Variants in ZBTB24 observed in about 807,000 individuals in gnomAD.
The protein encoded by ZBTB24 is zinc finger and BTB domain containing 24, also known as zinc finger and BTB domain-containing protein 24.
A neutral mutation model predicts 53.8 loss-of-function variants in ZBTB24; 32 were observed. That is an observed-to-expected ratio of 0.60 (90% CI 0.45 to 0.80). ZBTB24 has a LOEUF of 0.80. ZBTB24 is among the 30% of genes least tolerant of loss of function. The pLI, the probability that ZBTB24 is intolerant of heterozygous loss-of-function variation, is 0.00. For synonymous variants in ZBTB24, 297 were observed against 306.7 expected, an observed-to-expected ratio of 0.97 and a Z score of 0.33; for missense variants, 722 against 837.1, an observed-to-expected ratio of 0.86 and a Z score of 1.70.
At chr6:109,474,644 G>C (rs1475989740) in intron 5 of ZBTB24, among the ~76,000 whole-genome samples, 1 of 151,442 alleles carries the variant, frequency 6.6e-6, no homozygotes, top group African/African-American at 2.4e-5. Flanking sequence ...TGAGGCAGGA[G>C]AATCACTTGA....
chr6:109,477,526 G>A (rs1048415314), intron 2 of ZBTB24, among the ~76,000 whole-genome samples: 8 of 152,138 alleles, frequency 5.3e-5, no homozygotes, highest in African/African-American at 1.9e-4. Context: ...TGGAAACAGG[G>A]GTGAGGGAGG....
intron 2 of ZBTB24, chr6:109,480,831 C>T (rs1776389113): frequency 1.5e-6 from 1 of 649,026 alleles, no homozygotes; most frequent in African/African-American, 2.0e-5. Context: ...GTTGCTTCAT[C>T]TGTAAACTAT....
chr6:109,466,150 G>A lies in ZBTB24; in HGVS notation c.1795C>T (p.Pro599Ser). ...AANLTLLTQQ[P>S]EQLQNLILSA... Reference sequence around the variant, plus strand: ...AGAATTAAATTCTGCAGTTGCTCTGGCTGCTGCGTGAGCAGGGTAAGATTA... The same window carrying A: ...AGAATTAAATTCTGCAGTTGCTCTGACTGCTGCGTGAGCAGGGTAAGATTA... The change falls in exon 7 of 7, where the codon CCA (proline) becomes TCA (serine). Residue 599 changes from proline (P) to serine (S), a missense_variant. Coordinates refer to ENST00000230122, the MANE Select transcript of ZBTB24 (RefSeq NM_014797.3). 6.2e-7 allele frequency: 1 copy of A among 1,614,234 alleles called. No homozygotes were observed. The highest frequency in any genetic ancestry group is 8.5e-7 in the Non-Finnish European group (1 of 1,180,042).
chr6:109,467,246 G>C (rs1462918936), intron 6 of ZBTB24, among the ~76,000 whole-genome samples: 1 of 152,156 alleles, frequency 6.6e-6, no homozygotes, highest in Non-Finnish European at 1.5e-5. Context: ...AAATAGGCCA[G>C]GTGTGGTGGC....
At chr6:109,478,658 G>A (rs746594135) in intron 2 of ZBTB24, among the ~76,000 whole-genome samples, 2 of 152,002 alleles carry the variant, frequency 1.3e-5, no homozygotes, top group Non-Finnish European at 2.9e-5. Flanking sequence ...CGGAGATCAC[G>A]CCATTGCACT....
intron 6 of ZBTB24, 47 bp from the exon 7 acceptor site, chr6:109,466,621 A>G (rs1776049457): frequency 6.3e-7 from 1 of 1,597,274 alleles, no homozygotes; most frequent in African/African-American, 1.3e-5. Context: ...ATACCTACTT[A>G]CTACTTCCTG....
In ZBTB24 at chr6:109,476,157, G is replaced by A. The variant is rs372392853; in HGVS notation, c.1204+18C>T. 4 of 1,612,440 alleles carry A rather than the reference G, an allele frequency of 2.5e-6. No homozygotes were observed. The African/African-American group carries it at 5.3e-5, about 22-fold the overall frequency. On this transcript the variant is annotated intron_variant, in intron 4 of 6. Transcript: ENST00000230122. ...GCATTTCTTCCCCCCCAATCTAAATGTTCTCACTTTATCGTACCTGTATGA... is the reference window on the plus strand; with the variant it reads ...GCATTTCTTCCCCCCCAATCTAAATATTCTCACTTTATCGTACCTGTATGA...
intron 5 of ZBTB24, among the ~76,000 whole-genome samples, chr6:109,471,141 G>A (rs1189279125): frequency 6.6e-6 from 1 of 152,236 alleles, no homozygotes; most frequent in Non-Finnish European, 1.5e-5. Context: ...AAATAAAGAT[G>A]TGCATTTCCT....
rs183702176 is a variant in ZBTB24 at position 109,470,080 on chromosome 6, G to A, written c.1289-2346C>T. ...AGGACCTCTAACAGGCTATGCACAA[G>A]GCCTGGACCAGGAGGTGGCAGGAGG... On this transcript the variant is annotated intron_variant, in intron 5 of 6. Coordinates refer to ENST00000230122, the MANE Select transcript of ZBTB24 (RefSeq NM_014797.3). 1.1e-3 allele frequency among the ~76,000 whole-genome samples: 173 copies of A among 152,324 alleles called. 1 individual carries two copies. The highest frequency in any genetic ancestry group is 3.9e-3 in the African/African-American group (163 of 41,584).
intron 2 of ZBTB24, among the ~76,000 whole-genome samples, chr6:109,480,674 T>C (rs865780669): frequency 7.2e-5 from 11 of 152,178 alleles, no homozygotes; most frequent in Admixed American, 3.3e-4. Flanking sequence ...GCAGGGTACA[T>C]TGGGCTAGAT....
chr6:109,481,983 T>C lies in ZBTB24; in HGVS notation c.44A>G (p.His15Arg). The change falls in exon 2 of 7, where the codon CAC (histidine) becomes CGC (arginine). Residue 15 changes from histidine (H) to arginine (R), a missense_variant. His to Arg is a conservative substitution (Grantham distance 29). Coordinates refer to ENST00000230122, the MANE Select transcript of ZBTB24 (RefSeq NM_014797.3). ...SPEPSGQLVV[H>R]SDAHSDTVLA... ...CACAGTGTCACTGTGAGCGTCTGAG[T>C]GTACAACAAGCTGCCCAGAAGGCTC... 3 of 1,614,184 alleles carry C rather than the reference T, an allele frequency of 1.9e-6. No homozygotes were observed. In the South Asian group the frequency reaches 3.3e-5, roughly 18 times the overall value.
At chr6:109,470,754 A>G (rs1199842729) in intron 5 of ZBTB24, among the ~76,000 whole-genome samples, 1 of 152,244 alleles carries the variant, frequency 6.6e-6, no homozygotes, top group African/African-American at 2.4e-5. Context: ...AAATACAAAG[A>G]ATATTAAAAC....
chr6:109,476,731 G>C, intron 3 of ZBTB24, 32 bp downstream of exon 3: 1 of 1,607,154 alleles, frequency 6.2e-7, no homozygotes, highest in Non-Finnish European at 8.5e-7. Context: ...TGGGAATCTG[G>C]TGAAGCTGGC....
At position 109,481,778 on chromosome 6, in the gene ZBTB24, A is replaced by T; in HGVS notation, c.249T>A (p.Val83=). The change falls in exon 2 of 7, where the codon GTT becomes GTA. Residue 83 remains valine, a synonymous_variant. Coordinates refer to ENST00000230122, the MANE Select transcript of ZBTB24 (RefSeq NM_014797.3). ...GQSIYMLEGM[V]ADTFGILLEF... ...CCAGCAGGATACCAAAGGTGTCTGC[A>T]ACCATGCCTTCCAGCATATAAATGG... 1 of 1,614,256 alleles carries T rather than the reference A, an allele frequency of 6.2e-7. No individual in the cohort carries two copies. Among genetic ancestry groups the T allele is most frequent in the Non-Finnish European group, 8.5e-7 (1 of 1,180,046 alleles).
chr6:109,471,376 A>C (rs1364785511), intron 5 of ZBTB24, among the ~76,000 whole-genome samples: 1 of 152,176 alleles, frequency 6.6e-6, no homozygotes, highest in Non-Finnish European at 1.5e-5. Context: ...AGGTCTCAGG[A>C]AGATGGGAAG....
chr6:109,482,545 T>G (rs1453618449), intron 1 of ZBTB24, among the ~76,000 whole-genome samples: 1 of 149,364 alleles, frequency 6.7e-6, no homozygotes, highest in Non-Finnish European at 1.5e-5. Flanking sequence ...CAGGCTGGAG[T>G]GCAGTGGCGC....
At chr6:109,474,360 G>C (rs139998996) in intron 5 of ZBTB24, among the ~76,000 whole-genome samples, 146 of 152,192 alleles carry the variant, frequency 9.6e-4, no homozygotes, top group African/African-American at 3.4e-3. Flanking sequence ...TTTAAGTGTT[G>C]GTTCTAGGGG....
rs1582685824 is a variant in ZBTB24, at chr6:109,482,872, A to C, written c.-29+226T>G. Among the ~76,000 whole-genome samples the C allele has an allele frequency of 3.9e-5, 6 of 152,320 alleles. No homozygotes were observed. In the South Asian group the frequency reaches 1.0e-3, roughly 26 times the overall value. On this transcript the variant is annotated intron_variant, in intron 1 of 6. Transcript: ENST00000230122. ...AGTGAATGTGAGGTAGCTGCAATAA[A>C]ATACTAATAACTTAAGCTGCGTGGG...
In ZBTB24 at chr6:109,465,996, G is replaced by T. The variant is rs776148069; in HGVS notation, c.1949C>A (p.Ala650Asp). The T allele has an allele frequency of 2.2e-5, 36 of 1,614,080 alleles. No homozygotes were observed. Among genetic ancestry groups the T allele is most frequent in the Admixed American group, 5.0e-5 (3 of 59,994 alleles). Residue 650 changes from alanine to aspartate, a missense_variant, in exon 7 of 7, where the codon GCC becomes GAC. Transcript: ENST00000230122. ...LSKETLEHLHAHQEQTEELHL... is the reference protein window; with the variant it reads ...LSKETLEHLHDHQEQTEELHL... ...GAGCTCCTCTGTTTGCTCTTGATGG[G>T]CATGAAGATGTTCCAGTGTTTCCTT...
Sources: allele counts gnomAD v4.1 joint callset (sites outside exome capture counted in the v4.1 genomes callset), GRCh38; gene constraint gnomAD v4.1.1; transcripts MANE v1.5; gene names NCBI Gene and HGNC (gene_info 2026-07-23, HGNC 2026-07-21).